The following TLN2 variants were observed in gnomAD, a reference collection of about 807,000 sequenced individuals.
TLN2 encodes talin-2.
In TLN2, 118 loss-of-function variants were observed where a neutral mutation model predicts 294.7. The observed-to-expected ratio is 0.40, with a 90% CI of 0.34 to 0.47. TLN2 has a LOEUF of 0.47. Among genes scored for constraint, TLN2 ranks in the 20% least tolerant of loss-of-function variants. The pLI, the probability that TLN2 is intolerant of heterozygous loss-of-function variation, is 0.84. For synonymous variants in TLN2, 1,431 were observed against 1,304.5 expected, an observed-to-expected ratio of 1.10 and a Z score of -2.09; for missense variants, 3,083 against 3,282.2, an observed-to-expected ratio of 0.94 and a Z score of 1.48.
At chr15:62,752,465 C>T (rs1404987000) in intron 35 of TLN2, 38 bp downstream of exon 35, 2 of 1,607,010 alleles carry the variant, frequency 1.2e-6, no homozygotes, top group Non-Finnish European at 1.7e-6. Context: ...GTGCCCTGTG[C>T]CAGATCCCTG....
intron 57 of TLN2, chr15:62,838,146 T>C (rs962067337): frequency 2.6e-5 from 4 of 152,234 alleles, no homozygotes; most frequent in Admixed American, 2.0e-4. Context: ...GAGCCTGTGG[T>C]GCTGAGACCC....
intron 1 of TLN2, among the ~76,000 whole-genome samples, chr15:62,516,696 A>T (rs533941869): frequency 4.6e-4 from 70 of 152,266 alleles, no homozygotes; most frequent in African/African-American, 1.6e-3. Context: ...CTGCCCACCC[A>T]GCTTAATTGG....
At chr15:62,829,205 A>G (rs965235674) in intron 54 of TLN2, 1 of 150,088 alleles carries the variant, frequency 6.7e-6, no homozygotes, top group African/African-American at 2.4e-5. Flanking sequence ...ATGTGTTGTT[A>G]CAGGCATTGT....
intron 20 of TLN2, 72 bp from the exon 21 acceptor site, chr15:62,708,430 G>C (rs2059206116): frequency 1.3e-6 from 2 of 1,522,326 alleles, no homozygotes; most frequent in African/African-American, 2.7e-5. Context: ...GCTTTGATGG[G>C]ACTGCGGGGG....
At chr15:62,591,600 A>T (rs1482544187) in intron 2 of TLN2, among the ~76,000 whole-genome samples, 11 of 152,182 alleles carry the variant, frequency 7.2e-5, no homozygotes, top group Non-Finnish European at 1.5e-4. Flanking sequence ...AACCTGATGG[A>T]AGTGTACAGA....
chr15:62,823,813 T>A (rs1338820638), intron 54 of TLN2: 1 of 398,382 alleles, frequency 2.5e-6, no homozygotes, highest in Non-Finnish European at 5.0e-6. Context: ...GACAGTATTG[T>A]TAATGGCGCC....
intron 3 of TLN2, chr15:62,638,761 C>G (rs1244179384): frequency 2.6e-6 from 1 of 389,740 alleles, no homozygotes; most frequent in Non-Finnish European, 5.1e-6. Context: ...ATGTATTGAA[C>G]CCTTCTCTGT....
intron 52 of TLN2, among the ~76,000 whole-genome samples, chr15:62,812,011 CAATAAATA>C (rs59386081): frequency 3.0e-3 from 391 of 130,728 alleles, no homozygotes; most frequent in East Asian, 9.9e-3. Context: ...GACTCCATCT[CAATAAATA>C]AATAAATAAA....
rs746384574 is a variant in TLN2 at position 62,737,073 on chromosome 15, A to G, written c.3554A>G (p.Gln1185Arg). 1 of 1,614,212 alleles carries G rather than the reference A, an allele frequency of 6.2e-7. No homozygotes were observed. The highest frequency in any genetic ancestry group is 8.5e-7 in the Non-Finnish European group (1 of 1,180,026). Reference sequence around the variant, plus strand: ...GCACCTGGAGATGCAGAGCGTCAACAAAGACTGGCTCAGGTGAGGCTAGGA... The same window carrying G: ...GCACCTGGAGATGCAGAGCGTCAACGAAGACTGGCTCAGGTGAGGCTAGGA... ...LIAPGDAERQ[Q>R]RLAQVAKAVS... is the part of the protein sequence containing the mutation. Residue 1185 changes from glutamine (Q) to arginine (R), a missense_variant, in exon 29 of 59, where the codon CAA (glutamine) becomes CGA (arginine). By Grantham distance (43) the Gln-to-Arg change is conservative (BLOSUM62 1). Transcript: ENST00000636159.
In TLN2 at chr15:62,708,712, G is replaced by A; in HGVS notation, c.2383G>A (p.Gly795Ser). ...GCATGTGCGGCAGTTTGCCAGCCGA[G>A]GCGAGCCCATCGGCCGCTACGACCA... ...LQHVRQFASR[G>S]EPIGRYDQAT... Residue 795 changes from glycine to serine, a missense_variant, in exon 21 of 59, where the codon GGC (glycine) becomes AGC (serine). By Grantham distance (56) the Gly-to-Ser change is moderately conservative. Coordinates refer to ENST00000636159, the MANE Select transcript of TLN2 (RefSeq NM_015059.3). 1 of 1,613,564 alleles carries A rather than the reference G, an allele frequency of 6.2e-7. No homozygotes were observed. Among genetic ancestry groups the A allele is most frequent in the Non-Finnish European group, 8.5e-7 (1 of 1,180,046 alleles).
Position 62,739,382 on chromosome 15 carries a change from A to G in TLN2, c.3722A>G (p.Gln1241Arg). ...PPSTKPFQEA[Q>R]SELNQAAADL... ...AGCACGAAGCCTTTCCAGGAAGCCC[A>G]GAGTGAACTGAACCAGGCAGCAGCT... Residue 1241 changes from glutamine (Q) to arginine (R), a missense_variant, in exon 31 of 59, where the codon CAG (glutamine) becomes CGG (arginine). Gln to Arg is a conservative substitution (Grantham distance 43). Transcript: ENST00000636159. The G allele has an allele frequency of 6.2e-7, 1 of 1,614,084 alleles. No homozygotes were observed. The highest frequency in any genetic ancestry group is 8.5e-7 in the Non-Finnish European group (1 of 1,179,986).
rs114982578 is a variant in TLN2, at chr15:62,721,601, T to G, written c.2992-752T>G. ...TTTCTAAGTGTAGTTTTATAACATA[T>G]ATATTAAAAGTCTTAAAAGTATGTA... On this transcript the variant is annotated intron_variant, in intron 25 of 58. Transcript: ENST00000636159. Among the ~76,000 whole-genome samples, 685 of 152,244 alleles carry G rather than the reference T, an allele frequency of 4.5e-3. 3 individuals are homozygous for G. Among genetic ancestry groups the G allele is most frequent in the African/African-American group, 0.016 (661 of 41,582 alleles).
intron 32 of TLN2, among the ~76,000 whole-genome samples, chr15:62,742,283 G>C (rs2061384389): frequency 1.3e-5 from 2 of 152,026 alleles, no homozygotes; most frequent in African/African-American, 4.8e-5. Flanking sequence ...GGTTGGGGGT[G>C]ATGTCTGTTC....
intron 11 of TLN2, among the ~76,000 whole-genome samples, chr15:62,681,671 C>A (rs577214645): frequency 6.6e-6 from 1 of 152,304 alleles, no homozygotes; most frequent in South Asian, 2.1e-4. Flanking sequence ...CTCTAAATCT[C>A]AGTTTCTTCA....
intron 1 of TLN2, among the ~76,000 whole-genome samples, chr15:62,559,531 G>A (rs2042795015): frequency 6.6e-6 from 1 of 152,180 alleles, no homozygotes; most frequent in Non-Finnish European, 1.5e-5. Flanking sequence ...TATATCACTA[G>A]CACTTTCTTG....
At chr15:62,582,037 T>C (rs2045091271) in intron 1 of TLN2, among the ~76,000 whole-genome samples, 1 of 145,488 alleles carries the variant, frequency 6.9e-6, no homozygotes, top group South Asian at 2.2e-4. Flanking sequence ...AGAGTGAAAC[T>C]CTGTCTAGAA....
rs778113428 is a variant in TLN2 at position 62,755,561 on chromosome 15, G to A, written c.4506G>A (p.Lys1502=). 1.2e-6 allele frequency: 2 copies of A among 1,614,218 alleles called. No homozygotes were observed. Among genetic ancestry groups the A allele is most frequent in the Non-Finnish European group, 1.7e-6 (2 of 1,180,018 alleles). ...TGTCAGCCGCCACAATTGTTGCCAA[G>A]CACACGTCAGCCTTGTGCAATGCCT... ...QVLSAATIVA[K]HTSALCNACR... Residue 1502 remains lysine (K), a synonymous_variant, in exon 37 of 59, where the codon AAG becomes AAA. Transcript: ENST00000636159.
chr15:62,805,697 C>T lies in TLN2; in HGVS notation c.6575C>T (p.Ala2192Val), dbSNP rs1450565876. The change falls in exon 51 of 59, where the codon GCA becomes GTA. Residue 2192 changes from alanine (A) to valine (V), a missense_variant. Coordinates refer to ENST00000636159, the MANE Select transcript of TLN2 (RefSeq NM_015059.3). ...ACCATGGCAACAGCCAAAGCCGTGG[C>T]AGCTGGGAACTCATGTAGACAGGAG... is the stretch of plus-strand genomic sequence containing the variant. ...GITMATAKAVAAGNSCRQEDV... is the reference protein window; with the variant it reads ...GITMATAKAVVAGNSCRQEDV... The T allele has an allele frequency of 6.2e-7, 1 of 1,614,188 alleles. No homozygotes were observed. The highest frequency in any genetic ancestry group is 1.1e-5 in the South Asian group (1 of 91,082).
chr15:62,447,901 G>A (rs1030737622), intron 1 of TLN2, among the ~76,000 whole-genome samples: 4 of 152,160 alleles, frequency 2.6e-5, no homozygotes, highest in African/African-American at 7.2e-5. Flanking sequence ...CCAATTCGTA[G>A]GCTTGCTCAG....
Sources: gnomAD v4.1 joint callset for allele counts (sites outside exome capture counted in the v4.1 genomes callset) on GRCh38, gnomAD v4.1.1 for gene constraint, MANE v1.5 for transcripts, NCBI Gene and HGNC (gene_info 2026-07-23, HGNC 2026-07-21) for gene names.